Variants in TENM3 observed in about 807,000 individuals in gnomAD.
The protein encoded by TENM3 is teneurin-3.
TENM3 carries 63 observed loss-of-function variants against 255.1 expected under a neutral mutation model. The observed-to-expected ratio is 0.25, with a 90% confidence interval of 0.20 to 0.30. The LOEUF (loss-of-function observed/expected upper bound fraction) is 0.30, where lower values mean the gene tolerates loss of function less well. TENM3 is among the 10% of genes least tolerant of loss of function. The pLI is 1.00. For synonymous variants in TENM3, 1,306 were observed against 1,322.3 expected (o/e 0.99, Z 0.27); for missense variants, 2,929 against 3,461.1 (o/e 0.85, Z 3.86).
the TENM3 span, among the ~76,000 whole-genome samples, chr4:182,056,119 C>A: frequency 1.2e-3 from 183 of 152,164 alleles, 2 homozygotes; most frequent in African/African-American, 4.1e-3. Flanking sequence ...AGTGTCCCCA[C>A]CAAGATCCCA....
chr4:182,500,972 A>C (rs906466552), intron 3 of TENM3, among the ~76,000 whole-genome samples: 3 of 152,066 alleles, frequency 2.0e-5, no homozygotes, highest in African/African-American at 7.2e-5. Flanking sequence ...TTCTGGGTGG[A>C]GAGAGTTGGA....
At chr4:181,985,803 A>G in the TENM3 span, among the ~76,000 whole-genome samples, 1 of 152,136 alleles carries the variant, frequency 6.6e-6, no homozygotes, top group Admixed American at 6.6e-5. Flanking sequence ...AGTTTTGAAT[A>G]TGATTTAGTG....
At chr4:181,945,336 T>C in the TENM3 span, among the ~76,000 whole-genome samples, 6 of 151,800 alleles carry the variant, frequency 4.0e-5, no homozygotes, top group Non-Finnish European at 8.8e-5. Flanking sequence ...CAGAATAGAG[T>C]GGAGAACAGC....
the TENM3 span, among the ~76,000 whole-genome samples, chr4:181,548,055 C>T: frequency 8.6e-5 from 13 of 151,764 alleles, no homozygotes; most frequent in East Asian, 3.9e-4. Context: ...TGAGAATATG[C>T]GGTGTCTGTT....
chr4:182,030,001 T>C, the TENM3 span, among the ~76,000 whole-genome samples: 2 of 46,324 alleles, frequency 4.3e-5, no homozygotes, highest in African/African-American at 8.8e-5. Context: ...ATCTCTCTCC[T>C]TTTTTTCTTT....
At chr4:182,716,509 T>C in intron 13 of TENM3, among the ~76,000 whole-genome samples, 1 of 152,232 alleles carries the variant, frequency 6.6e-6, no homozygotes, top group Non-Finnish European at 1.5e-5. Flanking sequence ...TTTGTATTCC[T>C]GCCTCTAACC....
intron 3 of TENM3, among the ~76,000 whole-genome samples, chr4:182,496,748 C>T (rs1267724097): frequency 1.3e-5 from 2 of 152,204 alleles, no homozygotes; most frequent in South Asian, 2.1e-4. Flanking sequence ...GTGTGCTTTA[C>T]GATTTATCAT....
the TENM3 span, among the ~76,000 whole-genome samples, chr4:181,467,125 A>ATATATATTTTTT: frequency 1.7e-4 from 3 of 17,620 alleles, no homozygotes; most frequent in African/African-American, 5.0e-4. Flanking sequence ...ATATATATAT[A>ATATATATTTTTT]TTTTTTTTTT....
intron 3 of TENM3, among the ~76,000 whole-genome samples, chr4:182,528,653 T>C (rs6552568): frequency 0.62 from 93,574 of 152,118 alleles, 32,042 homozygotes; most frequent in Non-Finnish European, 0.75. Context: ...AAACCAATTT[T>C]GTATTACTAT....
At chr4:181,993,584 A>G in the TENM3 span, among the ~76,000 whole-genome samples, 1 of 152,174 alleles carries the variant, frequency 6.6e-6, no homozygotes, top group Admixed American at 6.5e-5. Flanking sequence ...CAAAGCATTC[A>G]TAAGAATTAC....
At chr4:181,910,630 A>ATGTG in the TENM3 span, among the ~76,000 whole-genome samples, 59 of 93,824 alleles carry the variant, frequency 6.3e-4, no homozygotes, top group Middle Eastern at 0.025. Context: ...GTGTGTGTGT[A>ATGTG]TGTGTGTGTG....
chr4:181,739,165 G>A, the TENM3 span, among the ~76,000 whole-genome samples: 4 of 152,188 alleles, frequency 2.6e-5, no homozygotes, highest in East Asian at 1.9e-4. Context: ...TGTCCTTGAC[G>A]TTGTAATTGC....
Position 182,775,164 on chromosome 4 carries a change from G to T in TENM3, c.5304+11G>T, listed in dbSNP as rs905690087. 7 of 1,612,732 alleles carry T rather than the reference G, an allele frequency of 4.3e-6. No individual in the cohort carries two copies. The highest frequency in any genetic ancestry group is 1.3e-5 in the African/African-American group (1 of 74,910). ...GGCCGCAAGCTCAGGGTACGTACGT[G>T]TTGTGGAGCAGGAGATAGCTGCAGC... On this transcript the variant is annotated intron_variant, in intron 24 of 27. Coordinates refer to ENST00000511685, the MANE Select transcript of TENM3 (RefSeq NM_001080477.4).
At chr4:182,657,235 C>G (rs1203004829) in intron 6 of TENM3, among the ~76,000 whole-genome samples, 1 of 152,174 alleles carries the variant, frequency 6.6e-6, no homozygotes, top group African/African-American at 2.4e-5. Flanking sequence ...TCCTGACTTT[C>G]CAAATTCAAC....
chr4:182,463,264 C>T (rs1044898722), intron 3 of TENM3, among the ~76,000 whole-genome samples: 7 of 151,904 alleles, frequency 4.6e-5, no homozygotes, highest in Non-Finnish European at 7.4e-5. Flanking sequence ...AAAAAAAAAA[C>T]TCGGTGTTAC....
At chr4:182,118,754 G>A in the TENM3 span, among the ~76,000 whole-genome samples, 5 of 152,228 alleles carry the variant, frequency 3.3e-5, no homozygotes, top group African/African-American at 1.2e-4. Context: ...CAATGTGATG[G>A]ATTACATTAA....
At position 182,321,668 on chromosome 4, in the gene TENM3, G is replaced by A. The variant is rs572556022; in HGVS notation, c.-75-2278G>A. On this transcript the variant is annotated intron_variant, in intron 1 of 27. Coordinates refer to ENST00000511685, the MANE Select transcript of TENM3 (RefSeq NM_001080477.4). ...AATAATAAAATAACTTCTCTTGGCCGGGAGTGGTGGCTCATGCCTGTAATC... is the reference window on the plus strand; with the variant it reads ...AATAATAAAATAACTTCTCTTGGCCAGGAGTGGTGGCTCATGCCTGTAATC... 4.6e-5 allele frequency among the ~76,000 whole-genome samples: 7 copies of A among 151,226 alleles called. No homozygotes were observed. The South Asian group carries it at 8.4e-4, about 18-fold the overall frequency.
At chr4:182,120,207 A>G in the TENM3 span, among the ~76,000 whole-genome samples, 1 of 152,166 alleles carries the variant, frequency 6.6e-6, no homozygotes, top group East Asian at 1.9e-4. Flanking sequence ...TCTTAGACAC[A>G]CAATTCCTTA....
At chr4:182,603,931 C>T (rs961299328) in intron 4 of TENM3, among the ~76,000 whole-genome samples, 2 of 151,896 alleles carry the variant, frequency 1.3e-5, no homozygotes, top group Admixed American at 1.3e-4. Flanking sequence ...CTTTTCAGCA[C>T]AAATTGATAG....
Sources: gnomAD v4.1 joint callset for allele counts (sites outside exome capture counted in the v4.1 genomes callset) on GRCh38, gnomAD v4.1.1 for gene constraint, MANE v1.5 for transcripts, NCBI Gene and HGNC (gene_info 2026-07-23, HGNC 2026-07-21) for gene names.